GRIK2: variants seen among roughly 807,000 people sequenced by gnomAD.
GRIK2 encodes glutamate ionotropic receptor kainate type subunit 2.
In GRIK2, 32 loss-of-function variants were observed where a neutral mutation model predicts 100.3. The observed-to-expected ratio is 0.32, with a 90% CI of 0.24 to 0.43. The LOEUF is 0.43. GRIK2 is among the 20% of genes least tolerant of loss of function. GRIK2 has a pLI of 1.00. For synonymous variants in GRIK2, 417 were observed against 389.4 expected, an observed-to-expected ratio of 1.07 and a Z score of -0.83; for missense variants, 843 against 1,114.9, an observed-to-expected ratio of 0.76 and a Z score of 3.47.
intron 2 of GRIK2, among the ~76,000 whole-genome samples, chr6:101,505,315 T>C (rs955355267): frequency 6.6e-6 from 1 of 152,144 alleles, no homozygotes; most frequent in African/African-American, 2.4e-5. Context: ...CTCAAACTTA[T>C]GTCAGTTGCA....
chr6:101,461,490 A>G (rs1771305189), intron 2 of GRIK2, among the ~76,000 whole-genome samples: 1 of 152,158 alleles, frequency 6.6e-6, no homozygotes, highest in Admixed American at 6.6e-5. Flanking sequence ...CTTCAAAACC[A>G]ATAGTGGCCA....
intron 2 of GRIK2, among the ~76,000 whole-genome samples, chr6:101,426,658 C>T (rs1039132985): frequency 1.3e-5 from 2 of 152,122 alleles, no homozygotes; most frequent in Non-Finnish European, 2.9e-5. Context: ...TACAGGCACT[C>T]AAATGGTGTA....
intron 2 of GRIK2, among the ~76,000 whole-genome samples, chr6:101,560,575 T>TA (rs953781483): frequency 1.3e-5 from 2 of 151,896 alleles, no homozygotes; most frequent in African/African-American, 2.4e-5. Flanking sequence ...ACTGGACATT[T>TA]AAAAAAAATT....
intron 14 of GRIK2, among the ~76,000 whole-genome samples, chr6:101,965,695 G>A (rs1792623057): frequency 6.6e-6 from 1 of 151,974 alleles, no homozygotes; most frequent in African/African-American, 2.4e-5. Context: ...GCCATTACTT[G>A]TTAGTAACAA....
At chr6:101,507,027 G>A (rs566149431) in intron 2 of GRIK2, among the ~76,000 whole-genome samples, 14 of 152,166 alleles carry the variant, frequency 9.2e-5, no homozygotes, top group Admixed American at 3.9e-4. Context: ...AGACCACTAT[G>A]TTTACCTGAA....
intron 2 of GRIK2, among the ~76,000 whole-genome samples, chr6:101,541,923 A>T (rs1776017721): frequency 6.6e-6 from 1 of 151,530 alleles, no homozygotes; most frequent in Non-Finnish European, 1.5e-5. Context: ...TTTCCTTAAT[A>T]TGTACTATTT....
intron 14 of GRIK2, among the ~76,000 whole-genome samples, chr6:102,001,433 G>A (rs934283465): frequency 1.3e-5 from 2 of 149,540 alleles, no homozygotes; most frequent in Non-Finnish European, 3.0e-5. Flanking sequence ...CTCAACTCCC[G>A]CTTATGAATG....
chr6:101,651,004 C>CTTTT (rs3056156), intron 4 of GRIK2, among the ~76,000 whole-genome samples: 3 of 119,500 alleles, frequency 2.5e-5, no homozygotes, highest in Non-Finnish European at 3.6e-5. Flanking sequence ...CTTTCTTTTT[C>CTTTT]TTTTTTTTTT....
At chr6:101,493,785 AT>A (rs1476833358) in intron 2 of GRIK2, among the ~76,000 whole-genome samples, 1 of 151,066 alleles carries the variant, frequency 6.6e-6, no homozygotes, top group Non-Finnish European at 1.5e-5. Context: ...TACTTTAATT[AT>A]TTTTCAGCCT....
chr6:101,523,934 C>A (rs950804968), intron 2 of GRIK2, among the ~76,000 whole-genome samples: 3 of 152,000 alleles, frequency 2.0e-5, no homozygotes, highest in Admixed American at 2.0e-4. Context: ...ATTGGTCGGG[C>A]TGGCCTCGAA....
intron 2 of GRIK2, among the ~76,000 whole-genome samples, chr6:101,447,325 C>A (rs994856723): frequency 2.0e-5 from 3 of 151,584 alleles, no homozygotes; most frequent in Non-Finnish European, 4.4e-5. Flanking sequence ...AATTTGATTT[C>A]TTCTCAGGCA....
At chr6:101,997,478 A>G (rs2114252671) in intron 14 of GRIK2, among the ~76,000 whole-genome samples, 1 of 152,114 alleles carries the variant, frequency 6.6e-6, no homozygotes, top group South Asian at 2.1e-4. Flanking sequence ...GTGATTATTA[A>G]TTGTTAATTG....
intron 7 of GRIK2, among the ~76,000 whole-genome samples, chr6:101,778,918 A>C (rs1778909083): frequency 6.6e-6 from 1 of 152,144 alleles, no homozygotes; most frequent in Admixed American, 6.6e-5. Context: ...ATTACTGCTT[A>C]GTATCAGATT....
At chr6:102,023,410 C>T (rs1769532696) in intron 14 of GRIK2, among the ~76,000 whole-genome samples, 1 of 151,266 alleles carries the variant, frequency 6.6e-6, no homozygotes, top group Non-Finnish European at 1.5e-5. Flanking sequence ...GAATTTAAAG[C>T]AGAAAATGAA....
In GRIK2 at chr6:101,775,715, T is replaced by G. The variant is rs149859660; in HGVS notation, c.952-23933T>G. On this transcript the variant is annotated intron_variant, in intron 7 of 16. Transcript: ENST00000369134. The stretch of plus-strand genomic sequence containing the variant: ...TAGGAGGTAATACATTCTAGCTGTA[T>G]GGCAAAGTGTGAAGATACAGATTTC... Among the ~76,000 whole-genome samples, 835 of 151,844 alleles carry G rather than the reference T, an allele frequency of 5.5e-3. 8 individuals carry two copies. The highest frequency in any genetic ancestry group is 0.019 in the African/African-American group (794 of 41,436).
At chr6:101,931,894 C>T (rs181500850) in intron 14 of GRIK2, among the ~76,000 whole-genome samples, 1 of 152,154 alleles carries the variant, frequency 6.6e-6, no homozygotes, top group East Asian at 1.9e-4. Context: ...TCAAAACCTA[C>T]TTGGAATCTG....
chr6:101,892,531 T>C (rs1787176035), intron 12 of GRIK2, among the ~76,000 whole-genome samples: 2 of 152,084 alleles, frequency 1.3e-5, no homozygotes, highest in Non-Finnish European at 2.9e-5. Flanking sequence ...GTTTTTTTTT[T>C]ACTGCTACTG....
In GRIK2 at chr6:101,789,171, A is replaced by T. The variant is rs552116403; in HGVS notation, c.952-10477A>T. Among the ~76,000 whole-genome samples the T allele has an allele frequency of 8.2e-4, 124 of 152,100 alleles. 1 individual carries two copies. Among genetic ancestry groups the T allele is most frequent in the African/African-American group, 2.7e-3 (114 of 41,492 alleles). Reference sequence around the variant, plus strand: ...TTTTGTAGGTTGCCTGTTCACTCTGATAGTAGTTTCTTTTGCTGTGCAGAA... The same window carrying T: ...TTTTGTAGGTTGCCTGTTCACTCTGTTAGTAGTTTCTTTTGCTGTGCAGAA... On this transcript the variant is annotated intron_variant, in intron 7 of 16. Coordinates refer to ENST00000369134, the MANE Select transcript of GRIK2 (RefSeq NM_021956.5).
At chr6:101,452,485 G>A (rs1770769739) in intron 2 of GRIK2, among the ~76,000 whole-genome samples, 1 of 151,254 alleles carries the variant, frequency 6.6e-6, no homozygotes, top group African/African-American at 2.4e-5. Flanking sequence ...TCTCCAGCAT[G>A]TAGCCAGGCT....
Sources: allele counts gnomAD v4.1 joint callset (sites outside exome capture counted in the v4.1 genomes callset), GRCh38; gene constraint gnomAD v4.1.1; transcripts MANE v1.5; gene names NCBI Gene and HGNC (gene_info 2026-07-23, HGNC 2026-07-21).